The following BORCS5 variants were observed in gnomAD, a reference collection of about 807,000 sequenced individuals.
The protein encoded by BORCS5 is BLOC-1-related complex subunit 5.
A neutral mutation model predicts 22.1 loss-of-function variants in BORCS5; 17 were observed. That is an observed-to-expected ratio of 0.77 (90% CI 0.53 to 1.15). BORCS5 has a LOEUF of 1.15. Among genes scored for constraint, BORCS5 ranks in the 50% most tolerant of loss-of-function variants. The probability of loss-of-function intolerance (pLI) is 0.00; values close to 1 mark genes in which losing one functional copy is unlikely to be tolerated. For missense variants in BORCS5, 247 were observed against 253.2 expected, an observed-to-expected ratio of 0.98 and a Z score of 0.17; for synonymous variants, 117 against 99.8, an observed-to-expected ratio of 1.17 and a Z score of -1.03.
At chr12:12,460,465 C>CTAA (rs1943081961) in intron 3 of BORCS5, among the ~76,000 whole-genome samples, 1 of 152,178 alleles carries the variant, frequency 6.6e-6, no homozygotes, top group East Asian at 1.9e-4. Flanking sequence ...TTATTCCTTT[C>CTAA]TAATTTCTTT....
At chr12:12,455,330 G>T (rs796727304) in intron 3 of BORCS5, among the ~76,000 whole-genome samples, 16 of 152,256 alleles carry the variant, frequency 1.1e-4, no homozygotes, top group African/African-American at 3.1e-4. Flanking sequence ...TGACATCCTT[G>T]GGGAACAGGA....
intron 3 of BORCS5, among the ~76,000 whole-genome samples, chr12:12,453,942 C>T (rs867639451): frequency 3.9e-5 from 6 of 152,222 alleles, no homozygotes; most frequent in Non-Finnish European, 7.3e-5. Flanking sequence ...ATATGTGGCC[C>T]TTGTGTCTGG....
intron 3 of BORCS5, among the ~76,000 whole-genome samples, chr12:12,444,584 G>A (rs1942747000): frequency 1.3e-5 from 2 of 152,152 alleles, no homozygotes; most frequent in South Asian, 4.1e-4. Context: ...GTGCCCAGGG[G>A]TACACTAAAT....
At chr12:12,392,654 A>G (rs1941225349) in intron 2 of BORCS5, among the ~76,000 whole-genome samples, 1 of 152,122 alleles carries the variant, frequency 6.6e-6, no homozygotes, top group African/African-American at 2.4e-5. Flanking sequence ...GTGAGAATTA[A>G]ATGTGAGACG....
chr12:12,366,224 C>A (rs528158164), intron 2 of BORCS5, among the ~76,000 whole-genome samples: 1 of 152,170 alleles, frequency 6.6e-6, no homozygotes, highest in Non-Finnish European at 1.5e-5. Context: ...ACAGTTTATT[C>A]TTTCAAAACA....
Position 12,357,332 on chromosome 12 carries a change from T to G in BORCS5, c.-120T>G. The G allele has an allele frequency of 6.8e-7, 1 of 1,479,386 alleles. No individual in the cohort carries two copies. The highest frequency in any genetic ancestry group is 9.0e-7 in the Non-Finnish European group (1 of 1,109,152). The allele number at this position is 1,479,386 out of a possible 1,614,324, so 91.6% of individuals were successfully genotyped here. A position where few individuals can be genotyped will look rare whatever the true frequency, so the allele number is the denominator to read the frequency against. ...CGTCAGCCCCACACATTAGCCTCGCTGCGGCGCCCAGACTCTGCTTTGCCT... is the reference window on the plus strand; with the variant it reads ...CGTCAGCCCCACACATTAGCCTCGCGGCGGCGCCCAGACTCTGCTTTGCCT... On this transcript the variant is annotated 5_prime_UTR_variant, in exon 1 of 4. Coordinates refer to ENST00000314565, the MANE Select transcript of BORCS5 (RefSeq NM_058169.6).
chr12:12,432,231 T>A (rs1942447950), intron 2 of BORCS5, among the ~76,000 whole-genome samples: 1 of 152,222 alleles, frequency 6.6e-6, no homozygotes, highest in South Asian at 2.1e-4. Flanking sequence ...ATTATCCTGG[T>A]CCACTGTTAA....
chr12:12,459,411 A>G (rs565308511), intron 3 of BORCS5, among the ~76,000 whole-genome samples: 25 of 151,782 alleles, frequency 1.6e-4, no homozygotes, highest in African/African-American at 5.6e-4. Flanking sequence ...TCCAGGTTCA[A>G]GTGATTCTCC....
At position 12,357,327 on chromosome 12, in the gene BORCS5, C is replaced by G. The variant is rs1358961228; in HGVS notation, c.-125C>G. 4 of 1,476,126 alleles carry G rather than the reference C, an allele frequency of 2.7e-6. No homozygotes were observed. The African/African-American group carries it at 4.2e-5, about 16-fold the overall frequency. The allele number at this position is 1,476,126 out of a possible 1,614,324, so 91.4% of individuals were successfully genotyped here. A position where few individuals can be genotyped will look rare whatever the true frequency, so the allele number is the denominator to read the frequency against. ...GGACGCGTCAGCCCCACACATTAGC[C>G]TCGCTGCGGCGCCCAGACTCTGCTT... On this transcript the variant is annotated 5_prime_UTR_variant, in exon 1 of 4. Coordinates refer to ENST00000314565, the MANE Select transcript of BORCS5 (RefSeq NM_058169.6).
chr12:12,445,521 TGAAA>T (rs1565922862), intron 3 of BORCS5, among the ~76,000 whole-genome samples: 1 of 142,674 alleles, frequency 7.0e-6, no homozygotes, highest in Non-Finnish European at 1.5e-5. Context: ...TTTTTCAATT[TGAAA>T]TACCTTTTTT....
At position 12,435,712 on chromosome 12, in the gene BORCS5, A is replaced by G. The variant is rs1322659319; in HGVS notation, c.287A>G (p.Tyr96Cys). 1 of 1,614,128 alleles carries G rather than the reference A, an allele frequency of 6.2e-7. No individual in the cohort carries two copies. Among genetic ancestry groups the G allele is most frequent in the South Asian group, 1.1e-5 (1 of 91,078 alleles). Residue 96 changes from tyrosine to cysteine, a missense_variant, in exon 3 of 4, where the codon TAT becomes TGT. Tyr to Cys is a radical substitution (Grantham distance 194). Transcript: ENST00000314565. ...SQQVLQLCLRYQDHLHQCAEA... is the reference protein window; with the variant it reads ...SQQVLQLCLRCQDHLHQCAEA... Reference sequence around the variant, plus strand: ...CAGGTGTTGCAGCTCTGCCTCCGATATCAAGATCACCTGCATCAGTGTGCA... The same window carrying G: ...CAGGTGTTGCAGCTCTGCCTCCGATGTCAAGATCACCTGCATCAGTGTGCA...
intron 3 of BORCS5, among the ~76,000 whole-genome samples, chr12:12,443,434 C>A (rs568132329): frequency 6.6e-6 from 1 of 152,180 alleles, no homozygotes; most frequent in African/African-American, 2.4e-5. Flanking sequence ...TTTGGGCAAC[C>A]TTTCTTTTCT....
chr12:12,419,438 C>T (rs1220745374), intron 2 of BORCS5, among the ~76,000 whole-genome samples: 1 of 152,200 alleles, frequency 6.6e-6, no homozygotes, highest in Non-Finnish European at 1.5e-5. Flanking sequence ...TTAATCCAGT[C>T]TATCATTGAT....
At chr12:12,451,480 T>TGGCTC (rs1942908100) in intron 3 of BORCS5, among the ~76,000 whole-genome samples, 1 of 150,060 alleles carries the variant, frequency 6.7e-6, no homozygotes, top group Non-Finnish European at 1.5e-5. Flanking sequence ...AACACTGTAG[T>TGGCTC]AGCCAATACA....
At chr12:12,396,072 C>T (rs1475889160) in intron 2 of BORCS5, among the ~76,000 whole-genome samples, 1 of 151,990 alleles carries the variant, frequency 6.6e-6, no homozygotes, top group Non-Finnish European at 1.5e-5. Flanking sequence ...TCGGCTCACT[C>T]CGCCCCCTGG....
rs995942137 is a variant in BORCS5, at chr12:12,470,193, C to G, written c.*4417C>G. 6.6e-6 allele frequency among the ~76,000 whole-genome samples: 1 copy of G among 152,198 alleles called. No individual in the cohort carries two copies. The highest frequency in any genetic ancestry group is 2.4e-5 in the African/African-American group (1 of 41,432). ...TCAAGCAGTTATACTGTCTCAGCCTCCCGAGTAGCTGGGACTACAGGTGCC... is the reference window on the plus strand; with the variant it reads ...TCAAGCAGTTATACTGTCTCAGCCTGCCGAGTAGCTGGGACTACAGGTGCC... On this transcript the variant is annotated 3_prime_UTR_variant, in exon 4 of 4. Coordinates refer to ENST00000314565, the MANE Select transcript of BORCS5 (RefSeq NM_058169.6).
intron 2 of BORCS5, among the ~76,000 whole-genome samples, chr12:12,403,621 C>G (rs1222565523): frequency 6.6e-6 from 1 of 152,070 alleles, no homozygotes. Flanking sequence ...GCTTTAGAAA[C>G]AGGGAGAAAG....
At chr12:12,458,701 G>C (rs542889102) in intron 3 of BORCS5, among the ~76,000 whole-genome samples, 1 of 149,028 alleles carries the variant, frequency 6.7e-6, no homozygotes, top group Non-Finnish European at 1.5e-5. Flanking sequence ...GGCTGGCCAC[G>C]GTGGCTCACG....
chr12:12,392,045 C>CAA lies in BORCS5; in HGVS notation c.202+30716_202+30717dup, dbSNP rs61408318. 7.6e-3 allele frequency among the ~76,000 whole-genome samples: 510 copies of CAA among 66,844 alleles called. 12 individuals carry two copies. Among genetic ancestry groups the CAA allele is most frequent in the African/African-American group, 0.025 (426 of 16,748 alleles). 43.9% of individuals were successfully genotyped at this position (66,844 alleles called of 152,430 possible). On this transcript the variant is annotated intron_variant, in intron 2 of 3. Transcript: ENST00000314565. Reference sequence around the variant, plus strand: ...TGGGCAATGGAGTGAGACTTCATTTCAAAAAAAAAAAAAAAAAAAAATAGA... The same window carrying CAA: ...TGGGCAATGGAGTGAGACTTCATTTCAAAAAAAAAAAAAAAAAAAAAAATAGA...
Sources: allele counts gnomAD v4.1 joint callset (sites outside exome capture counted in the v4.1 genomes callset), GRCh38; gene constraint gnomAD v4.1.1; transcripts MANE v1.5; gene names NCBI Gene and HGNC (gene_info 2026-07-23, HGNC 2026-07-21).